KLF12: variants seen among roughly 807,000 people sequenced by gnomAD.
KLF12 encodes the protein Krueppel-like factor 12.
KLF12 carries 9 observed loss-of-function variants against 37.8 expected under a neutral mutation model. That is an observed-to-expected ratio of 0.24 (90% CI 0.14 to 0.42). The LOEUF (loss-of-function observed/expected upper bound fraction) is 0.42. Ranked by LOEUF, KLF12 falls within the 10% of genes least tolerant of loss-of-function variation. The pLI, the probability that KLF12 is intolerant of heterozygous loss-of-function variation, is 1.00. For synonymous variants in KLF12, 208 were observed against 202.1 expected (o/e 1.03, Z -0.25); for missense variants, 411 against 516.0 (o/e 0.80, Z 1.97).
chr13:73,952,217 C>T lies in KLF12; in HGVS notation c.34-8147G>A, dbSNP rs74981026. 1.0e-3 allele frequency among the ~76,000 whole-genome samples: 156 copies of T among 152,196 alleles called. 1 individual carries two copies. Among genetic ancestry groups the T allele is most frequent in the South Asian group, 4.4e-3 (21 of 4,802 alleles). ...TTCTTGCATTGCTCTAAAGAACTAC[C>T]GGATACCAGGTAATTTATAAAGAAA... On this transcript the variant is annotated intron_variant, in intron 2 of 7. Coordinates refer to ENST00000377669, the MANE Select transcript of KLF12 (RefSeq NM_007249.5).
At chr13:73,832,278 C>A (rs980496153) in intron 4 of KLF12, among the ~76,000 whole-genome samples, 1 of 152,148 alleles carries the variant, frequency 6.6e-6, no homozygotes, top group African/African-American at 2.4e-5. Flanking sequence ...ACTTTGAGTA[C>A]CAAAGCTTTA....
chr13:74,115,199 T>C (rs1877219686), intron 1 of KLF12, among the ~76,000 whole-genome samples: 1 of 152,210 alleles, frequency 6.6e-6, no homozygotes, highest in Non-Finnish European at 1.5e-5. Context: ...ATTATATTTT[T>C]GTTTACTTTT....
chr13:74,137,913 A>G (rs1244372765), upstream of KLF12, among the ~76,000 whole-genome samples: 1 of 152,194 alleles, frequency 6.6e-6, no homozygotes, highest in Non-Finnish European at 1.5e-5. Context: ...GGCATGCGCC[A>G]CCACGCCTGG....
intron 2 of KLF12, among the ~76,000 whole-genome samples, chr13:73,993,288 T>A (rs1892022511): frequency 6.6e-6 from 1 of 152,226 alleles, no homozygotes; most frequent in African/African-American, 2.4e-5. Context: ...TAAAGACTTT[T>A]GAATTCATGA....
At chr13:73,749,335 C>T (rs989795902) in intron 6 of KLF12, among the ~76,000 whole-genome samples, 1 of 152,168 alleles carries the variant, frequency 6.6e-6, no homozygotes, top group African/African-American at 2.4e-5. Context: ...ATTTAAATCT[C>T]ATTCTAAATC....
intron 5 of KLF12, among the ~76,000 whole-genome samples, chr13:73,787,802 A>G (rs1159039064): frequency 6.6e-6 from 1 of 152,190 alleles, no homozygotes; most frequent in East Asian, 1.9e-4. Flanking sequence ...TTTTATTTTT[A>G]AACAAAAAAA....
the KLF12 span, among the ~76,000 whole-genome samples, chr13:74,303,562 A>C: frequency 1.3e-5 from 2 of 152,136 alleles, no homozygotes; most frequent in Admixed American, 6.6e-5. Flanking sequence ...ATTGATGAAA[A>C]TATACTTTTT....
At chr13:73,823,661 A>T (rs542205428) in intron 4 of KLF12, among the ~76,000 whole-genome samples, 1 of 152,230 alleles carries the variant, frequency 6.6e-6, no homozygotes, top group East Asian at 1.9e-4. Flanking sequence ...ATACTGTTGG[A>T]CCTTTCTATA....
At chr13:74,179,270 T>C in the KLF12 span, among the ~76,000 whole-genome samples, 1 of 152,158 alleles carries the variant, frequency 6.6e-6, no homozygotes, top group South Asian at 2.1e-4. Flanking sequence ...CTATGGAGGT[T>C]GAGAGATATG....
In KLF12 at chr13:73,765,011, A is replaced by G. The variant is rs758516093; in HGVS notation, c.807-11T>C. On this transcript the variant is annotated splice_polypyrimidine_tract_variant and intron_variant, in intron 5 of 7. Transcript: ENST00000377669. ...GGGGACGGATGTACCCTGTAGACAG[A>G]GAAGAATAATCCAGTCATTGAAAAA... is the stretch of plus-strand genomic sequence containing the variant. 1 of 1,498,456 alleles carries G rather than the reference A, an allele frequency of 6.7e-7. No individual in the cohort carries two copies. Among genetic ancestry groups the G allele is most frequent in the South Asian group, 1.2e-5 (1 of 83,692 alleles). 92.8% of individuals were successfully genotyped at this position (1,498,456 alleles called of 1,614,324 possible).
At chr13:73,785,793 G>A (rs965253838) in intron 5 of KLF12, among the ~76,000 whole-genome samples, 4 of 152,034 alleles carry the variant, frequency 2.6e-5, no homozygotes, top group Non-Finnish European at 4.4e-5. Context: ...TTGGCATCTC[G>A]TGTATAGCAC....
At chr13:74,120,879 T>C (rs563435588) in intron 1 of KLF12, among the ~76,000 whole-genome samples, 1 of 151,938 alleles carries the variant, frequency 6.6e-6, no homozygotes, top group South Asian at 2.1e-4. Context: ...AACAAACAGA[T>C]TAACTAATAA....
chr13:74,169,167 G>T, the KLF12 span, among the ~76,000 whole-genome samples: 58 of 152,206 alleles, frequency 3.8e-4, 1 homozygote, highest in Non-Finnish European at 4.4e-5. Flanking sequence ...TATTACCCAA[G>T]AAAGTATTTT....
intron 6 of KLF12, among the ~76,000 whole-genome samples, chr13:73,751,211 A>AG (rs762955044): frequency 1.7e-4 from 26 of 152,338 alleles, no homozygotes; most frequent in Middle Eastern, 3.4e-3. Context: ...AAATGAGTGC[A>AG]GGTATCTTTT....
intron 5 of KLF12, among the ~76,000 whole-genome samples, chr13:73,795,307 A>C (rs914639747): frequency 3.3e-5 from 5 of 152,214 alleles, no homozygotes; most frequent in African/African-American, 7.2e-5. Context: ...ATTCACTGGA[A>C]ATTCTCTTTG....
intron 6 of KLF12, among the ~76,000 whole-genome samples, chr13:73,715,822 G>T (rs1566314909): frequency 6.6e-6 from 1 of 152,194 alleles, no homozygotes; most frequent in Non-Finnish European, 1.5e-5. Flanking sequence ...ATTATCAGAA[G>T]AAACAATCTG....
At chr13:74,029,536 C>T (rs1444468310) in intron 1 of KLF12, among the ~76,000 whole-genome samples, 1 of 152,028 alleles carries the variant, frequency 6.6e-6, no homozygotes, top group Non-Finnish European at 1.5e-5. Context: ...TCACATAAAT[C>T]TTTACGGTTC....
intron 2 of KLF12, among the ~76,000 whole-genome samples, chr13:73,978,646 T>A (rs1194449240): frequency 1.3e-5 from 2 of 152,206 alleles, no homozygotes; most frequent in Non-Finnish European, 2.9e-5. Context: ...GGCTTAATGA[T>A]CTAGTAATCT....
the KLF12 span, among the ~76,000 whole-genome samples, chr13:74,213,788 C>T: frequency 4.6e-5 from 7 of 152,110 alleles, no homozygotes; most frequent in African/African-American, 1.7e-4. Flanking sequence ...GCCCAAATAT[C>T]CTAGTCCTGT....
Sources: allele counts gnomAD v4.1 joint callset (sites outside exome capture counted in the v4.1 genomes callset), GRCh38; gene constraint gnomAD v4.1.1; transcripts MANE v1.5; gene names NCBI Gene and HGNC (gene_info 2026-07-23, HGNC 2026-07-21).